Variants in RAPGEF4 observed in about 807,000 individuals in gnomAD.
RAPGEF4 encodes Rap guanine nucleotide exchange factor 4, also known as RAP guanine-nucleotide-exchange factor (GEF) 4.
A neutral mutation model predicts 147.9 loss-of-function variants in RAPGEF4; 66 were observed. The ratio of observed to expected loss-of-function variants is 0.45; its 90% CI spans 0.37 to 0.55. RAPGEF4 has a LOEUF of 0.55. Among genes scored for constraint, RAPGEF4 ranks in the 20% least tolerant of loss-of-function variants. The pLI is 0.00. For missense variants in RAPGEF4, 1,071 were observed against 1,257.3 expected, an observed-to-expected ratio of 0.85 and a Z score of 2.24; for synonymous variants, 419 against 442.7, an observed-to-expected ratio of 0.95 and a Z score of 0.67.
chr2:172,863,059 T>C (rs952694071), intron 4 of RAPGEF4, among the ~76,000 whole-genome samples: 1 of 152,058 alleles, frequency 6.6e-6, no homozygotes, highest in African/African-American at 2.4e-5. Context: ...CTGAAATATA[T>C]TTCAAAAGGG....
chr2:172,861,427 G>C (rs1694035382), intron 4 of RAPGEF4, among the ~76,000 whole-genome samples: 1 of 152,216 alleles, frequency 6.6e-6, no homozygotes, highest in South Asian at 2.1e-4. Flanking sequence ...GGAGGGAAAA[G>C]GGGGTATCTT....
chr2:172,745,359 A>G (rs1373590744), intron 1 of RAPGEF4, among the ~76,000 whole-genome samples: 1 of 152,058 alleles, frequency 6.6e-6, no homozygotes, highest in East Asian at 1.9e-4. Context: ...TTATTGACAT[A>G]GAGTTGTTCA....
At chr2:172,793,750 T>G (rs1442264781) in intron 1 of RAPGEF4, among the ~76,000 whole-genome samples, 1 of 152,216 alleles carries the variant, frequency 6.6e-6, no homozygotes, top group East Asian at 1.9e-4. Context: ...GTTCTTTGAT[T>G]TATCTTAATC....
intron 1 of RAPGEF4, among the ~76,000 whole-genome samples, chr2:172,740,328 T>C (rs1370165987): frequency 6.6e-6 from 1 of 152,238 alleles, no homozygotes. Context: ...CTCAGTTGAT[T>C]GGCTTATTTG....
chr2:173,014,565 T>C lies in RAPGEF4; in HGVS notation c.1760T>C (p.Met587Thr). Residue 587 changes from methionine to threonine, a missense_variant, in exon 18 of 31, where the codon ATG becomes ACG. Physicochemically the swap from Met to Thr is moderately conservative, Grantham distance 81. Transcript: ENST00000397081. ...VIRLVLQWAA[M>T]YGDLLQEDDV... The stretch of plus-strand genomic sequence containing the variant: ...CGCCTGGTTCTACAGTGGGCTGCCA[T>C]GTATGGAGACCTCCTGCAAGAGGAT... 6.2e-7 allele frequency: 1 copy of C among 1,614,130 alleles called. No homozygotes were observed.
chr2:172,757,923 TG>T (rs1695930340), intron 1 of RAPGEF4, among the ~76,000 whole-genome samples: 1 of 152,198 alleles, frequency 6.6e-6, no homozygotes, highest in Non-Finnish European at 1.5e-5. Context: ...CTTGCTCTCA[TG>T]GAGCTTACAT....
At chr2:173,019,253 G>A (rs1695808404) in intron 22 of RAPGEF4, among the ~76,000 whole-genome samples, 1 of 152,198 alleles carries the variant, frequency 6.6e-6, no homozygotes, top group Non-Finnish European at 1.5e-5. Flanking sequence ...CTAGGAGCCT[G>A]GCTCAAATGA....
intron 4 of RAPGEF4, among the ~76,000 whole-genome samples, chr2:172,875,129 T>C (rs1380380512): frequency 6.6e-6 from 1 of 152,246 alleles, no homozygotes; most frequent in Non-Finnish European, 1.5e-5. Context: ...TTGAGTTCTT[T>C]GTAGATTCTG....
At chr2:172,822,386 G>A (rs1377589466) in intron 4 of RAPGEF4, among the ~76,000 whole-genome samples, 3 of 152,178 alleles carry the variant, frequency 2.0e-5, no homozygotes, top group Non-Finnish European at 4.4e-5. Flanking sequence ...GTGGGTGATG[G>A]TATTTCACCC....
intron 4 of RAPGEF4, among the ~76,000 whole-genome samples, chr2:172,892,877 G>T (rs566542801): frequency 2.0e-5 from 3 of 152,210 alleles, no homozygotes; most frequent in Non-Finnish European, 4.4e-5. Context: ...AGGCTAGCAT[G>T]CATATATGGC....
chr2:172,956,071 A>G (rs1054063966), intron 6 of RAPGEF4, among the ~76,000 whole-genome samples: 2 of 152,198 alleles, frequency 1.3e-5, no homozygotes, highest in Non-Finnish European at 2.9e-5. Context: ...GAGAGATCGG[A>G]TGCGGGAAGC....
chr2:172,878,934 A>G (rs1328177212), intron 4 of RAPGEF4, among the ~76,000 whole-genome samples: 2 of 152,184 alleles, frequency 1.3e-5, no homozygotes, highest in East Asian at 3.8e-4. Flanking sequence ...CTGTGGGGAA[A>G]CAAGTACTCT....
intron 1 of RAPGEF4, among the ~76,000 whole-genome samples, chr2:172,749,630 C>G (rs1559021074): frequency 6.6e-6 from 1 of 152,230 alleles, no homozygotes; most frequent in Non-Finnish European, 1.5e-5. Context: ...CTGACGTGCC[C>G]TGGAGACGTT....
At chr2:172,796,630 G>T (rs181353839) in intron 2 of RAPGEF4, among the ~76,000 whole-genome samples, 42 of 152,168 alleles carry the variant, frequency 2.8e-4, no homozygotes, top group Non-Finnish European at 4.7e-4. Context: ...CAAGCCATCT[G>T]CCCACCTCAA....
chr2:172,736,077 C>T (rs1301851038), intron 1 of RAPGEF4, 29 bp downstream of exon 1: 1 of 1,450,074 alleles, frequency 6.9e-7, no homozygotes, highest in South Asian at 1.3e-5. Flanking sequence ...CAGCCGGGGG[C>T]CGAGCTCTGC....
Position 173,026,682 on chromosome 2 carries a change from C to T in RAPGEF4, c.2364C>T (p.Phe788=), listed in dbSNP as rs777936208. 4.3e-6 allele frequency: 7 copies of T among 1,613,790 alleles called. No individual in the cohort carries two copies. The South Asian group carries it at 4.4e-5, about 10-fold the overall frequency. Residue 788 remains phenylalanine (F), a synonymous_variant, in exon 24 of 31, where the codon TTC becomes TTT. Coordinates refer to ENST00000397081, the MANE Select transcript of RAPGEF4 (RefSeq NM_007023.4). ...YQMTIYDWEL[F]NCVHELELIY... ...TGACAATTTATGATTGGGAACTCTT[C>T]AACTGCGTGCATGAGGTAAGATGCA...
chr2:172,819,237 T>C (rs533633505), intron 4 of RAPGEF4, among the ~76,000 whole-genome samples: 1 of 152,252 alleles, frequency 6.6e-6, no homozygotes, highest in South Asian at 2.1e-4. Context: ...AAATGAATTA[T>C]GTTAAGTTTG....
chr2:173,017,284 TAA>T, intron 20 of RAPGEF4, 80 bp downstream of exon 20: 1 of 1,515,482 alleles, frequency 6.6e-7, no homozygotes, highest in African/African-American at 1.4e-5. Context: ...GCAGTATACA[TAA>T]AAGTGATTTC....
intron 4 of RAPGEF4, among the ~76,000 whole-genome samples, chr2:172,849,771 A>T (rs1249754227): frequency 6.6e-6 from 1 of 152,128 alleles, no homozygotes. Context: ...AAGTTGCTTC[A>T]TTTTTCTGGA....
Sources: allele counts gnomAD v4.1 joint callset (sites outside exome capture counted in the v4.1 genomes callset), GRCh38; gene constraint gnomAD v4.1.1; transcripts MANE v1.5; gene names NCBI Gene and HGNC (gene_info 2026-07-23, HGNC 2026-07-21).